DNAJC14: variants seen among roughly 807,000 people sequenced by gnomAD.
The protein encoded by DNAJC14 is DnaJ heat shock protein family (Hsp40) member C14.
A neutral mutation model predicts 68.8 loss-of-function variants in DNAJC14; 12 were observed. The ratio of observed to expected loss-of-function variants is 0.17; its 90% CI spans 0.11 to 0.28. The LOEUF (loss-of-function observed/expected upper bound fraction) is 0.28. Among genes scored for constraint, DNAJC14 ranks in the 10% least tolerant of loss-of-function variants. The pLI is 1.00. For synonymous variants in DNAJC14, 350 were observed against 321.5 expected, an observed-to-expected ratio of 1.09 and a Z score of -0.95; for missense variants, 764 against 875.6, an observed-to-expected ratio of 0.87 and a Z score of 1.61.
Position 55,827,685 on chromosome 12 carries a change from T to C in DNAJC14, c.974A>G (p.Lys325Arg). Residue 325 changes from lysine to arginine, a missense_variant, in exon 2 of 7, where the codon AAG becomes AGG. Physicochemically the swap from Lys to Arg is conservative, Grantham distance 26 (BLOSUM62 2). Coordinates refer to ENST00000678005, the MANE Select transcript of DNAJC14 (RefSeq NM_032364.6). ...CGVGLFTRFL[K>R]LLGALLLLAL... ...CAGGAGCAGCAAAGCACCCAGCAGCTTAAGAAAACGAGTAAACAGTCCTAC... is the reference window on the plus strand; with the variant it reads ...CAGGAGCAGCAAAGCACCCAGCAGCCTAAGAAAACGAGTAAACAGTCCTAC... 6.2e-7 allele frequency: 1 copy of C among 1,614,008 alleles called. No homozygotes were observed. The highest frequency in any genetic ancestry group is 2.2e-5 in the East Asian group (1 of 44,880).
chr12:55,823,602 T>C, intron 2 of DNAJC14, 94 bp from the exon 3 acceptor site: 1 of 1,054,996 alleles, frequency 9.5e-7, no homozygotes, highest in Non-Finnish European at 1.4e-6. Context: ...TTCATCACCC[T>C]TTTGAAGAGT....
At chr12:55,829,786 T>G (rs1029715381), upstream of DNAJC14, 3 of 188,866 alleles carry the variant, frequency 1.6e-5, no homozygotes, top group Non-Finnish European at 2.9e-5. Context: ...CCTCCGCGTG[T>G]GGGAATGGGA....
chr12:55,821,888 G>C lies in DNAJC14; in HGVS notation c.*89C>G. 2.3e-6 allele frequency: 3 copies of C among 1,329,040 alleles called. No homozygotes were observed. The highest frequency in any genetic ancestry group is 1.9e-4 in the Middle Eastern group (1 of 5,256). 82.3% of individuals were successfully genotyped at this position (1,329,040 alleles called of 1,614,324 possible). A position where few individuals can be genotyped will look rare whatever the true frequency, so the allele number is the denominator to read the frequency against. On this transcript the variant is annotated 3_prime_UTR_variant, in exon 7 of 7. Transcript: ENST00000678005. Reference sequence around the variant, plus strand: ...AAAAAGAAAAAGATTCAGTTCCTAGGTGTTGGGGGAGGAGGGATAAATCAA... The same window carrying C: ...AAAAAGAAAAAGATTCAGTTCCTAGCTGTTGGGGGAGGAGGGATAAATCAA...
intron 2 of DNAJC14, among the ~76,000 whole-genome samples, chr12:55,825,819 C>T (rs1448649237): frequency 2.6e-5 from 4 of 152,034 alleles, no homozygotes; most frequent in African/African-American, 7.2e-5. Context: ...GCTGGGATTA[C>T]AGGCGTAAGC....
rs1880678944 is a variant in DNAJC14 at position 55,822,010 on chromosome 12, C to A, written c.2076G>T (p.Arg692=). The A allele has an allele frequency of 1.9e-6, 3 of 1,613,112 alleles. No individual in the cohort carries two copies. Among genetic ancestry groups the A allele is most frequent in the Non-Finnish European group, 2.5e-6 (3 of 1,179,672 alleles). Residue 692 remains arginine, a synonymous_variant, in exon 7 of 7, where the codon CGG becomes CGT. Coordinates refer to ENST00000678005, the MANE Select transcript of DNAJC14 (RefSeq NM_032364.6). ...GGAAGGGCCTCCTCACTTTCTTCCG[C>A]CGCTTAGGTTTGGCTTCTCCCTTGG... ...TVPKGEAKPK[R]RKKVRRPFQR is the part of the protein sequence containing the mutation.
intron 2 of DNAJC14, 29 bp from the exon 3 acceptor site, chr12:55,823,537 A>G: frequency 6.3e-7 from 1 of 1,589,466 alleles, no homozygotes; most frequent in South Asian, 1.1e-5. Context: ...TTCATTACAA[A>G]TCCATTCCAA....
Position 55,828,649 on chromosome 12 carries a change from T to C in DNAJC14, c.10A>G (p.Lys4Glu). ...TACAACCCTCTTTCTCCGGGGTGCT[T>C]CTGGGCCATGACCCCGGGGCTTCCT... MAQKHPGERGLYGA... is the reference protein window; with the variant it reads MAQEHPGERGLYGA... The change falls in exon 2 of 7, where the codon AAG (lysine) becomes GAG (glutamate). Residue 4 changes from lysine to glutamate, a missense_variant. This residue lies in a region of DNAJC14 where 514 missense variants were observed against 521.7 expected (regional missense o/e 0.99). Transcript: ENST00000678005. The C allele has an allele frequency of 6.2e-7, 1 of 1,612,674 alleles. No individual in the cohort carries two copies. The highest frequency in any genetic ancestry group is 1.3e-5 in the African/African-American group (1 of 74,968).
intron 2 of DNAJC14, among the ~76,000 whole-genome samples, chr12:55,825,154 AAT>A: frequency 6.7e-6 from 1 of 148,958 alleles, no homozygotes; most frequent in East Asian, 1.9e-4. Flanking sequence ...AAAAAAAAAG[AAT>A]ATACCAAGCT....
intron 1 of DNAJC14, chr12:55,829,046 G>T: frequency 1.0e-6 from 1 of 957,466 alleles, no homozygotes; most frequent in Non-Finnish European, 1.3e-6. Context: ...GGGGGCCACA[G>T]ACTTCCAGTA....
chr12:55,823,408 T>C lies in DNAJC14; in HGVS notation c.1508A>G (p.Tyr503Cys). Residue 503 changes from tyrosine to cysteine, a missense_variant, in exon 3 of 7, where the codon TAT becomes TGT. Around this residue, in one of 4 missense-constraint regions of DNAJC14, gnomAD observed 110 missense variants for 162.7 expected, o/e 0.68. Transcript: ENST00000678005. ...TTTCCCATCTCCAACTTACATCTCA[T>C]ACTCCTTTCGCTTTTCAGCATTGCT... ...IVSNAEKRKE[Y>C]EMKRMAENEL... 2 of 1,614,174 alleles carry C rather than the reference T, an allele frequency of 1.2e-6. No homozygotes were observed. The highest frequency in any genetic ancestry group is 1.7e-6 in the Non-Finnish European group (2 of 1,180,028).
rs368059383 is a variant in DNAJC14, at chr12:55,827,699, A to C, written c.960T>G (p.Phe320Leu). Residue 320 changes from phenylalanine to leucine, a missense_variant, in exon 2 of 7, where the codon TTT becomes TTG. By Grantham distance (22) the Phe-to-Leu change is conservative. This residue lies in a region of DNAJC14 where 514 missense variants were observed against 521.7 expected (regional missense o/e 0.99). Coordinates refer to ENST00000678005, the MANE Select transcript of DNAJC14 (RefSeq NM_032364.6). Reference sequence around the variant, plus strand: ...CACCCAGCAGCTTAAGAAAACGAGTAAACAGTCCTACTCCACAGTAAAACC... The same window carrying C: ...CACCCAGCAGCTTAAGAAAACGAGTCAACAGTCCTACTCCACAGTAAAACC... The part of the protein sequence containing the change: ...SQGFYCGVGL[F>L]TRFLKLLGAL... 2.8e-5 allele frequency: 45 copies of C among 1,614,048 alleles called. No homozygotes were observed. Among genetic ancestry groups the C allele is most frequent in the Non-Finnish European group, 3.8e-5 (45 of 1,180,024 alleles).
chr12:55,822,848 G>A (rs1880705104), intron 4 of DNAJC14, 116 bp from the exon 5 acceptor site: 1 of 1,427,832 alleles, frequency 7.0e-7, no homozygotes, highest in East Asian at 2.3e-5. Context: ...ACCCCACTTA[G>A]TATTTCATAT....
rs1197514692 is a variant in DNAJC14 at position 55,829,158 on chromosome 12, C to G, written c.-57+331G>C. On this transcript the variant is annotated intron_variant, in intron 1 of 6. Transcript: ENST00000678005. ...GAACCCACCGGCTGTGTAGAAGGGA[C>G]GAAGGTGGCCGGGCACCGTGGCTCA... The G allele has an allele frequency of 4.1e-6, 4 of 985,940 alleles. No individual in the cohort carries two copies. The East Asian group carries it at 3.4e-4, about 84-fold the overall frequency. 61.1% of individuals were successfully genotyped at this position (985,940 alleles called of 1,614,324 possible).
chr12:55,825,851 C>T (rs1201545472), intron 2 of DNAJC14, among the ~76,000 whole-genome samples: 1 of 152,096 alleles, frequency 6.6e-6, no homozygotes, highest in African/African-American at 2.4e-5. Context: ...GCCCTGCACA[C>T]CCTCTTATCA....
chr12:55,825,401 TTTA>T (rs1480907945), intron 2 of DNAJC14, among the ~76,000 whole-genome samples: 1 of 152,150 alleles, frequency 6.6e-6, no homozygotes, highest in African/African-American at 2.4e-5. Flanking sequence ...TCATAATAGT[TTTA>T]TTTGTACAGA....
chr12:55,824,583 G>A (rs1195267623), intron 2 of DNAJC14, among the ~76,000 whole-genome samples: 7 of 152,180 alleles, frequency 4.6e-5, no homozygotes, highest in Non-Finnish European at 8.8e-5. Flanking sequence ...GCTTAGTAAG[G>A]CAGTGAGAGG....
intron 2 of DNAJC14, among the ~76,000 whole-genome samples, chr12:55,826,551 C>T (rs1426936273): frequency 6.6e-6 from 1 of 152,104 alleles, no homozygotes; most frequent in African/African-American, 2.4e-5. Flanking sequence ...CCTGTAATCC[C>T]AGCACTTTGG....
At chr12:55,829,124 A>G (rs1242524291) in intron 1 of DNAJC14, 35 of 987,658 alleles carry the variant, frequency 3.5e-5, no homozygotes, top group Non-Finnish European at 4.0e-5. Flanking sequence ...CCTAAGAAAG[A>G]CTAACAGGGA....
At chr12:55,824,879 C>G (rs1476238045) in intron 2 of DNAJC14, among the ~76,000 whole-genome samples, 2 of 152,096 alleles carry the variant, frequency 1.3e-5, no homozygotes, top group Non-Finnish European at 2.9e-5. Flanking sequence ...GCCTGTAATC[C>G]CAGCACTCTG....
Sources: allele counts gnomAD v4.1 joint callset (sites outside exome capture counted in the v4.1 genomes callset), GRCh38; gene constraint gnomAD v4.1.1; regional missense constraint gnomAD v4.1.1; transcripts MANE v1.5; gene names NCBI Gene and HGNC (gene_info 2026-07-23, HGNC 2026-07-21).